FAM114A1: variants seen among roughly 807,000 people sequenced by gnomAD.
FAM114A1 encodes family with sequence similarity 114 member A1, also known as protein NOXP20.
Under a neutral mutation model 64.3 loss-of-function variants are expected in FAM114A1, and 62 were observed. The observed-to-expected ratio is 0.96, with a 90% confidence interval of 0.79 to 1.19. The LOEUF is 1.19. FAM114A1 is among the 50% of genes most tolerant of loss of function. The probability of loss-of-function intolerance (pLI) is 0.00; values close to 1 mark genes in which losing one functional copy is unlikely to be tolerated. For missense variants in FAM114A1, 645 were observed against 676.3 expected, an observed-to-expected ratio of 0.95 and a Z score of 0.51; for synonymous variants, 254 against 251.1, an observed-to-expected ratio of 1.01 and a Z score of -0.11.
chr4:38,905,399 T>C, intron 4 of FAM114A1, 123 bp from the exon 5 acceptor site: 1 of 736,412 alleles, frequency 1.4e-6, no homozygotes, highest in East Asian at 2.8e-5. Context: ...ACTCCATCTT[T>C]TAAAAAAAAA....
At chr4:38,903,667 T>C (rs988693605) in intron 4 of FAM114A1, among the ~76,000 whole-genome samples, 5 of 152,326 alleles carry the variant, frequency 3.3e-5, no homozygotes, top group Admixed American at 1.3e-4. Context: ...TAAGTTTCCA[T>C]TGAAATGCTT....
chr4:38,923,966 A>G (rs1719874198), intron 9 of FAM114A1, among the ~76,000 whole-genome samples: 1 of 152,296 alleles, frequency 6.6e-6, no homozygotes, highest in African/African-American at 2.4e-5. Context: ...TACTGATGTC[A>G]TAACCACCGA....
At chr4:38,895,177 G>A (rs1038627490) in intron 4 of FAM114A1, among the ~76,000 whole-genome samples, 1 of 152,308 alleles carries the variant, frequency 6.6e-6, no homozygotes, top group African/African-American at 2.4e-5. Flanking sequence ...TCTGCCAGCT[G>A]CTCAGCTGGC....
chr4:38,869,848 CATTTT>C (rs1713855326), intron 2 of FAM114A1, among the ~76,000 whole-genome samples: 1 of 151,874 alleles, frequency 6.6e-6, no homozygotes. Flanking sequence ...AAATGAAAGA[CATTTT>C]AATACCAAGA....
At chr4:38,906,461 A>C (rs1466139680) in intron 6 of FAM114A1, among the ~76,000 whole-genome samples, 4 of 152,162 alleles carry the variant, frequency 2.6e-5, no homozygotes, top group Non-Finnish European at 4.4e-5. Context: ...AATAATGAAA[A>C]AAGGGGAGGC....
intron 3 of FAM114A1, among the ~76,000 whole-genome samples, chr4:38,882,846 A>G (rs1715426897): frequency 6.6e-6 from 1 of 152,230 alleles, no homozygotes; most frequent in Non-Finnish European, 1.5e-5. Context: ...TCAGGCAGCA[A>G]GGCCACCATA....
chr4:38,917,183 A>AATAAATACATAC (rs1179909501), intron 8 of FAM114A1, among the ~76,000 whole-genome samples: 1 of 151,502 alleles, frequency 6.6e-6, no homozygotes, highest in Non-Finnish European at 1.5e-5. Flanking sequence ...TAAATAAATA[A>AATAAATACATAC]ATAAAAAAGC....
intron 7 of FAM114A1, among the ~76,000 whole-genome samples, chr4:38,911,948 G>A (rs1181538505): frequency 7.3e-6 from 1 of 136,550 alleles, no homozygotes; most frequent in African/African-American, 2.8e-5. Flanking sequence ...TGCAACCTCC[G>A]CCTCCTGGGT....
At chr4:38,931,748 C>A in intron 11 of FAM114A1, 136 bp downstream of exon 11, 1 of 857,212 alleles carries the variant, frequency 1.2e-6, no homozygotes, top group Non-Finnish European at 1.7e-6. Context: ...TGAGACCAGC[C>A]TGGCCAACAT....
At position 38,905,781 on chromosome 4, in the gene FAM114A1, CCT is replaced by C; in HGVS notation, c.578_579del (p.Pro193ArgfsTer28). On this transcript the variant is annotated frameshift_variant, in exon 6 of 15. Coordinates refer to ENST00000358869, the MANE Select transcript of FAM114A1 (RefSeq NM_138389.4). LOFTEE classifies it high-confidence loss of function. ...AACAGATGCAGCCACAGATCAGGGC[CCT>C]GCAGAAAGCCCACCCACTTCCCCTT... is the stretch of plus-strand genomic sequence containing the variant. ...EITDAATDQG[P>X]AESPPTSPSS... 2 of 1,613,902 alleles carry C rather than the reference CCT, an allele frequency of 1.2e-6. No homozygotes were observed. The highest frequency in any genetic ancestry group is 1.7e-6 in the Non-Finnish European group (2 of 1,179,966).
At chr4:38,929,041 C>A in intron 9 of FAM114A1, 2 of 541,224 alleles carry the variant, frequency 3.7e-6, no homozygotes, top group Non-Finnish European at 6.7e-6. Flanking sequence ...AAGACTTCAG[C>A]GGCCCTGCAC....
intron 3 of FAM114A1, among the ~76,000 whole-genome samples, chr4:38,885,502 C>A (rs1246294701): frequency 6.6e-6 from 1 of 152,142 alleles, no homozygotes; most frequent in Non-Finnish European, 1.5e-5. Flanking sequence ...GTCTTGAACT[C>A]CTGGCCTCAA....
rs560629038 is a variant in FAM114A1, at chr4:38,904,329, C to T, written c.437-1193C>T. On this transcript the variant is annotated intron_variant, in intron 4 of 14. Coordinates refer to ENST00000358869, the MANE Select transcript of FAM114A1 (RefSeq NM_138389.4). ...ACAACTCAGAAAAGCTATAGCTCAT[C>T]GTGAAGGCCTCAAAGGGAGGAAAAT... 4.6e-5 allele frequency among the ~76,000 whole-genome samples: 7 copies of T among 152,274 alleles called. No individual in the cohort carries two copies. In the South Asian group the frequency reaches 1.5e-3, roughly 32 times the overall value.
In FAM114A1 at chr4:38,878,174, G is replaced by A. The variant is rs1290049821; in HGVS notation, c.96G>A (p.Val32=). Reference sequence around the variant, plus strand: ...ATTCTTTACCTGAGGATGCAGAAGTGCATTGTGATTCAGCTGCAGTTTCAC... The same window carrying A: ...ATTCTTTACCTGAGGATGCAGAAGTACATTGTGATTCAGCTGCAGTTTCAC... ...NSDSLPEDAE[V]HCDSAAVSHE... Residue 32 remains valine, a synonymous_variant, in exon 3 of 15, where the codon GTG becomes GTA. Transcript: ENST00000358869. 2 of 1,614,108 alleles carry A rather than the reference G, an allele frequency of 1.2e-6. No homozygotes were observed. Among genetic ancestry groups the A allele is most frequent in the African/African-American group, 2.7e-5 (2 of 74,938 alleles).
Position 38,944,958 on chromosome 4 carries a change from G to A in FAM114A1, c.*1401G>A, listed in dbSNP as rs1020344020. 2 of 152,088 alleles carry A rather than the reference G, an allele frequency of 1.3e-5. No homozygotes were observed. Among genetic ancestry groups the A allele is most frequent in the Non-Finnish European group, 2.9e-5 (2 of 68,020 alleles). 9.4% of individuals were successfully genotyped at this position (152,088 alleles called of 1,614,324 possible). A position where few individuals can be genotyped will look rare whatever the true frequency, so the allele number is the denominator to read the frequency against. On this transcript the variant is annotated 3_prime_UTR_variant, in exon 15 of 15. Transcript: ENST00000358869. ...AAACTTTGAAGAACAAGGTAAATTGGTGTTTTATTTAATGTCCTACCCTTT... is the reference window on the plus strand; with the variant it reads ...AAACTTTGAAGAACAAGGTAAATTGATGTTTTATTTAATGTCCTACCCTTT...
intron 10 of FAM114A1, among the ~76,000 whole-genome samples, chr4:38,930,163 TG>T (rs1476359761): frequency 1.3e-5 from 2 of 152,198 alleles, no homozygotes; most frequent in Admixed American, 1.3e-4. Flanking sequence ...TTTAACAATC[TG>T]GGTTCCTCTA....
At chr4:38,888,540 T>A (rs751748702) in intron 3 of FAM114A1, among the ~76,000 whole-genome samples, 1 of 152,168 alleles carries the variant, frequency 6.6e-6, no homozygotes, top group Non-Finnish European at 1.5e-5. Flanking sequence ...AAAAAAGAAC[T>A]GTGAACTTGA....
At chr4:38,888,872 G>A (rs1716066419) in intron 3 of FAM114A1, among the ~76,000 whole-genome samples, 1 of 152,272 alleles carries the variant, frequency 6.6e-6, no homozygotes, top group South Asian at 2.1e-4. Context: ...GTGACATTAA[G>A]TCCATTTAAA....
chr4:38,936,132 G>A (rs1331694155), intron 13 of FAM114A1, among the ~76,000 whole-genome samples: 1 of 149,264 alleles, frequency 6.7e-6, no homozygotes, highest in Non-Finnish European at 1.5e-5. Context: ...TTGCTCTGGT[G>A]CCCAGGCTGG....
Sources: gnomAD v4.1 joint callset for allele counts (sites outside exome capture counted in the v4.1 genomes callset) on GRCh38, gnomAD v4.1.1 for gene constraint, MANE v1.5 for transcripts, NCBI Gene and HGNC (gene_info 2026-07-23, HGNC 2026-07-21) for gene names.